CNTN5: variants seen among roughly 807,000 people sequenced by gnomAD.
CNTN5 encodes contactin-5.
A neutral mutation model predicts 129.1 loss-of-function variants in CNTN5; 77 were observed. That is an observed-to-expected ratio of 0.60 (90% confidence interval 0.50 to 0.72). CNTN5 has a LOEUF of 0.72. CNTN5 is among the 30% of genes least tolerant of loss of function. CNTN5 has a pLI of 0.00. For synonymous variants in CNTN5, 509 were observed against 465.6 expected, an observed-to-expected ratio of 1.09 and a Z score of -1.20; for missense variants, 1,478 against 1,328.8, an observed-to-expected ratio of 1.11 and a Z score of -1.75.
At chr11:100,189,067 A>C (rs1948391025) in intron 13 of CNTN5, among the ~76,000 whole-genome samples, 1 of 152,034 alleles carries the variant, frequency 6.6e-6, no homozygotes, top group Admixed American at 6.6e-5. Context: ...TAAAAACTGA[A>C]GACTACTAGA....
rs560266796 is a variant in CNTN5 at position 99,417,524 on chromosome 11, T to G, written c.-71+92040T>G. On this transcript the variant is annotated intron_variant, in intron 2 of 24. Transcript: ENST00000524871. ...TTTCATTAAGAGTTTGATTTCACTT[T>G]ATTTGTAAATGTGTCTTAATAGACT... Among the ~76,000 whole-genome samples the G allele has an allele frequency of 1.2e-4, 18 of 152,262 alleles. No individual in the cohort carries two copies. The South Asian group carries it at 1.2e-3, about 11-fold the overall frequency.
intron 3 of CNTN5, among the ~76,000 whole-genome samples, chr11:99,686,492 A>G (rs1171618247): frequency 6.6e-6 from 1 of 152,134 alleles, no homozygotes; most frequent in African/African-American, 2.4e-5. Flanking sequence ...CATCATTTTT[A>G]AAACAACCAT....
chr11:100,062,825 TA>T (rs1200204832), intron 10 of CNTN5, among the ~76,000 whole-genome samples: 15 of 152,230 alleles, frequency 9.9e-5, no homozygotes, highest in South Asian at 2.1e-4. Flanking sequence ...TAACTGTTCA[TA>T]ATTCATAAAA....
At chr11:99,363,686 T>G (rs2136113821) in intron 2 of CNTN5, among the ~76,000 whole-genome samples, 1 of 151,992 alleles carries the variant, frequency 6.6e-6, no homozygotes, top group Non-Finnish European at 1.5e-5. Flanking sequence ...ATTTCACGGG[T>G]CAAACAAAAT....
intron 1 of CNTN5, among the ~76,000 whole-genome samples, chr11:99,022,057 T>G (rs1015145060): frequency 6.6e-6 from 1 of 152,262 alleles, no homozygotes; most frequent in East Asian, 1.9e-4. Flanking sequence ...CCAAGAAAAA[T>G]ACAATTTCAT....
chr11:100,146,755 C>A (rs149029001), intron 13 of CNTN5, among the ~76,000 whole-genome samples: 1 of 151,946 alleles, frequency 6.6e-6, no homozygotes, highest in Non-Finnish European at 1.5e-5. Context: ...TAATTTTTAC[C>A]TTTAAGCTAA....
intron 2 of CNTN5, among the ~76,000 whole-genome samples, chr11:99,446,174 G>A (rs190969088): frequency 6.7e-6 from 1 of 149,216 alleles, no homozygotes; most frequent in African/African-American, 2.5e-5. Flanking sequence ...TCTTATCTTA[G>A]TTTCCCTCTG....
chr11:99,615,507 C>A (rs922500411), intron 3 of CNTN5, among the ~76,000 whole-genome samples: 4 of 152,278 alleles, frequency 2.6e-5, no homozygotes, highest in African/African-American at 9.6e-5. Flanking sequence ...ATCCCTTCTT[C>A]TGATGATGAC....
chr11:100,288,382 G>A (rs954625862), intron 18 of CNTN5, among the ~76,000 whole-genome samples: 3 of 151,994 alleles, frequency 2.0e-5, no homozygotes, highest in South Asian at 2.1e-4. Context: ...CAGCAAATGT[G>A]AAAGAACAGA....
intron 1 of CNTN5, among the ~76,000 whole-genome samples, chr11:99,171,367 G>A (rs532548113): frequency 1.4e-4 from 21 of 152,226 alleles, no homozygotes; most frequent in Admixed American, 1.2e-3. Flanking sequence ...ATTTTGCTTC[G>A]CAGATTGCTT....
intron 1 of CNTN5, among the ~76,000 whole-genome samples, chr11:99,268,748 A>G (rs1169814679): frequency 6.6e-6 from 1 of 152,030 alleles, no homozygotes; most frequent in Non-Finnish European, 1.5e-5. Context: ...GATATGAAAT[A>G]AAGGCTTAGA....
chr11:99,619,434 A>C (rs1950861956), intron 3 of CNTN5, among the ~76,000 whole-genome samples: 2 of 152,094 alleles, frequency 1.3e-5, no homozygotes, highest in Non-Finnish European at 2.9e-5. Context: ...AAAATTGACC[A>C]TTTTATGATT....
chr11:99,251,830 T>C (rs1862122450), intron 1 of CNTN5, among the ~76,000 whole-genome samples: 1 of 151,996 alleles, frequency 6.6e-6, no homozygotes, highest in Non-Finnish European at 1.5e-5. Context: ...CCTTTATCCA[T>C]GGCTATATGG....
At chr11:99,150,447 G>A (rs1860001338) in intron 1 of CNTN5, among the ~76,000 whole-genome samples, 1 of 151,848 alleles carries the variant, frequency 6.6e-6, no homozygotes, top group Non-Finnish European at 1.5e-5. Context: ...GCTTAGTAGA[G>A]CAATAATAGT....
intron 6 of CNTN5, among the ~76,000 whole-genome samples, chr11:99,851,370 A>G (rs1947868372): frequency 6.6e-6 from 1 of 152,172 alleles, no homozygotes; most frequent in African/African-American, 2.4e-5. Context: ...ATTTTTGACA[A>G]AAGATATTTT....
At chr11:99,628,913 A>G (rs965059337) in intron 3 of CNTN5, among the ~76,000 whole-genome samples, 10 of 152,086 alleles carry the variant, frequency 6.6e-5, no homozygotes, top group Non-Finnish European at 1.3e-4. Flanking sequence ...ATTTGCTGTT[A>G]AGATAATTGA....
intron 1 of CNTN5, among the ~76,000 whole-genome samples, chr11:99,083,700 A>G (rs1038041260): frequency 3.9e-5 from 6 of 152,278 alleles, no homozygotes; most frequent in Admixed American, 2.0e-4. Flanking sequence ...TTCAAAATAT[A>G]CAACATTTTT....
intron 3 of CNTN5, among the ~76,000 whole-genome samples, chr11:99,802,277 T>G (rs1946137932): frequency 6.6e-6 from 1 of 152,132 alleles, no homozygotes; most frequent in African/African-American, 2.4e-5. Context: ...TGATCCTGGT[T>G]TATTAGGAGA....
chr11:99,850,211 CA>C (rs538056457), intron 6 of CNTN5, among the ~76,000 whole-genome samples: 143 of 152,180 alleles, frequency 9.4e-4, no homozygotes, highest in African/African-American at 3.3e-3. Context: ...TTCTTACTAA[CA>C]TATTTTTTCT....
Sources: gnomAD v4.1 joint callset for allele counts (sites outside exome capture counted in the v4.1 genomes callset) on GRCh38, gnomAD v4.1.1 for gene constraint, MANE v1.5 for transcripts, NCBI Gene and HGNC (gene_info 2026-07-23, HGNC 2026-07-21) for gene names.